Variants in FNDC3B observed in about 807,000 individuals in gnomAD.
The protein encoded by FNDC3B is fibronectin type III domain containing 3B, also known as fibronectin type III domain-containing protein 3B.
In FNDC3B, 12 loss-of-function variants were observed where a neutral mutation model predicts 151.5. The observed-to-expected ratio is 0.08, with a 90% CI of 0.05 to 0.13. The LOEUF is 0.13. Among genes scored for constraint, FNDC3B ranks in the 10% least tolerant of loss-of-function variants. FNDC3B has a pLI of 1.00. For missense variants in FNDC3B, 1,214 were observed against 1,505.3 expected, an observed-to-expected ratio of 0.81 and a Z score of 3.20; for synonymous variants, 528 against 549.0, an observed-to-expected ratio of 0.96 and a Z score of 0.54.
chr3:172,267,276 C>CA (rs1294712606), intron 6 of FNDC3B, among the ~76,000 whole-genome samples: 1 of 152,088 alleles, frequency 6.6e-6, no homozygotes, highest in Non-Finnish European at 1.5e-5. Context: ...CCACCTCAGC[C>CA]TCCCAAGTAG....
At chr3:172,390,171 A>C (rs1735933919) in intron 25 of FNDC3B, among the ~76,000 whole-genome samples, 1 of 152,254 alleles carries the variant, frequency 6.6e-6, no homozygotes, top group Non-Finnish European at 1.5e-5. Flanking sequence ...TGTCTCACTC[A>C]ATATATTTAT....
chr3:172,199,935 G>A (rs1470842192), intron 3 of FNDC3B, among the ~76,000 whole-genome samples: 1 of 152,150 alleles, frequency 6.6e-6, no homozygotes, highest in African/African-American at 2.4e-5. Flanking sequence ...TTCTCTGCGC[G>A]CTTTTGTGTT....
At chr3:172,117,983 T>C (rs1720348154) in intron 2 of FNDC3B, among the ~76,000 whole-genome samples, 1 of 152,232 alleles carries the variant, frequency 6.6e-6, no homozygotes, top group African/African-American at 2.4e-5. Flanking sequence ...GCCTCAATCA[T>C]GTCCAATTCT....
intron 3 of FNDC3B, among the ~76,000 whole-genome samples, chr3:172,177,729 C>A (rs1560003166): frequency 6.9e-6 from 1 of 145,960 alleles, no homozygotes; most frequent in Non-Finnish European, 1.5e-5. Context: ...GATACATGTG[C>A]AGAACGTGCA....
At chr3:172,057,531 T>G (rs1576824153) in intron 1 of FNDC3B, among the ~76,000 whole-genome samples, 2 of 151,808 alleles carry the variant, frequency 1.3e-5, no homozygotes, top group African/African-American at 4.8e-5. Flanking sequence ...GTAAAAGGGG[T>G]TGGGGGGAAG....
chr3:172,143,019 TG>T (rs1220851166), intron 3 of FNDC3B, among the ~76,000 whole-genome samples: 1 of 152,124 alleles, frequency 6.6e-6, no homozygotes, highest in African/African-American at 2.4e-5. Context: ...GTGTCCCTCA[TG>T]ATCCAGTCAC....
intron 16 of FNDC3B, among the ~76,000 whole-genome samples, chr3:172,339,941 C>G (rs2108303494): frequency 6.6e-6 from 1 of 152,298 alleles, no homozygotes; most frequent in South Asian, 2.1e-4. Context: ...TAATAAGCCG[C>G]TGGGGGAATT....
chr3:172,353,031 G>A lies in FNDC3B; in HGVS notation c.2743G>A (p.Gly915Ser), dbSNP rs1277306695. 2 of 1,614,016 alleles carry A rather than the reference G, an allele frequency of 1.2e-6. No individual in the cohort carries two copies. The highest frequency in any genetic ancestry group is 1.7e-6 in the Non-Finnish European group (2 of 1,179,980). The change falls in exon 22 of 26, where the codon GGC (glycine) becomes AGC (serine). Residue 915 changes from glycine (G) to serine (S), a missense_variant. Around this residue, in one of 7 missense-constraint regions of FNDC3B, gnomAD observed 284 missense variants for 392.4 expected, o/e 0.72. Coordinates refer to ENST00000415807, the MANE Select transcript of FNDC3B (RefSeq NM_022763.4). ...TCTAGGAGACACTAGCATTACCGTG[G>A]GCAACACCACCATGCATGTTATGAA... ...IDLGDTSITV[G>S]NTTMHVMKDL...
At chr3:172,126,685 G>T (rs1041704526) in intron 2 of FNDC3B, among the ~76,000 whole-genome samples, 1 of 152,178 alleles carries the variant, frequency 6.6e-6, no homozygotes, top group African/African-American at 2.4e-5. Context: ...TATATAAAAA[G>T]GTGGCCGAAT....
chr3:172,180,437 C>G (rs903008896), intron 3 of FNDC3B, among the ~76,000 whole-genome samples: 1 of 152,076 alleles, frequency 6.6e-6, no homozygotes, highest in Non-Finnish European at 1.5e-5. Context: ...ATGGTTCCCT[C>G]AAGGCAGGGG....
At chr3:172,280,096 G>A (rs146531986) in intron 6 of FNDC3B, among the ~76,000 whole-genome samples, 7 of 152,178 alleles carry the variant, frequency 4.6e-5, no homozygotes, top group African/African-American at 1.4e-4. Context: ...TGTATTTTTC[G>A]TAGAGATGGG....
chr3:172,073,825 G>C (rs542680087), intron 1 of FNDC3B, among the ~76,000 whole-genome samples: 2 of 151,502 alleles, frequency 1.3e-5, no homozygotes, highest in African/African-American at 4.9e-5. Context: ...ATTTTGTAGC[G>C]TAAGTTTACT....
intron 1 of FNDC3B, among the ~76,000 whole-genome samples, chr3:172,082,485 A>T (rs975455092): frequency 6.6e-6 from 1 of 152,220 alleles, no homozygotes; most frequent in Non-Finnish European, 1.5e-5. Flanking sequence ...AAATTCCATT[A>T]TAAGCACATC....
chr3:172,320,667 C>T (rs1732037084), intron 11 of FNDC3B, among the ~76,000 whole-genome samples: 1 of 152,150 alleles, frequency 6.6e-6, no homozygotes, highest in Non-Finnish European at 1.5e-5. Context: ...GTTGTTAGTG[C>T]CAGGGTAATT....
At chr3:172,353,260 C>G (rs995615927) in intron 22 of FNDC3B, among the ~76,000 whole-genome samples, 177 bp downstream of exon 22, 1 of 152,202 alleles carries the variant, frequency 6.6e-6, no homozygotes, top group African/African-American at 2.4e-5. Flanking sequence ...AAAAGCCACA[C>G]TGGTTCAGGG....
intron 18 of FNDC3B, 105 bp downstream of exon 18, chr3:172,343,221 C>T (rs943382723): frequency 6.4e-5 from 44 of 691,336 alleles, no homozygotes; most frequent in African/African-American, 5.1e-4. Flanking sequence ...AGACCATATA[C>T]GTTTTTGTCT....
chr3:172,364,760 T>C (rs530844030), intron 23 of FNDC3B, among the ~76,000 whole-genome samples: 2 of 152,350 alleles, frequency 1.3e-5, no homozygotes, highest in African/African-American at 4.8e-5. Context: ...ATGTTGTTTC[T>C]TCCCCCCTCA....
rs10684671 is a variant in FNDC3B at position 172,177,626 on chromosome 3, C to CTTTTTTTTTTTTTTTTTTTTTTTTTTT, written c.187+44101_187+44102insTTTTTTTTTTTTTTTTTTTTTTTTTTT. Reference sequence around the variant, plus strand: ...AGGAAGGAATCATTTTTACCACCATCTTTTTTTTTTTTTTTTTTTTTGCAC... The same window carrying CTTTTTTTTTTTTTTTTTTTTTTTTTTT: ...AGGAAGGAATCATTTTTACCACCATCTTTTTTTTTTTTTTTTTTTTTTTTTTTTTTTTTTTTTTTTTTTTTTTTGCAC... On this transcript the variant is annotated intron_variant, in intron 3 of 25. Transcript: ENST00000415807. Among the ~76,000 whole-genome samples, 24 of 84,816 alleles carry CTTTTTTTTTTTTTTTTTTTTTTTTTTT rather than the reference C, an allele frequency of 2.8e-4. 3 individuals are homozygous for CTTTTTTTTTTTTTTTTTTTTTTTTTTT. The highest frequency in any genetic ancestry group is 1.1e-3 in the African/African-American group (22 of 20,480). The allele number at this position is 84,816 out of a possible 152,430, so 55.6% of individuals were successfully genotyped here. A position where few individuals can be genotyped will look rare whatever the true frequency, so the allele number is the denominator to read the frequency against.
At chr3:172,269,952 CTG>C (rs1664978695) in intron 6 of FNDC3B, among the ~76,000 whole-genome samples, 1 of 152,186 alleles carries the variant, frequency 6.6e-6, no homozygotes, top group South Asian at 2.1e-4. Flanking sequence ...CGGCCTAAAT[CTG>C]TGCTTTTTTA....
Sources: allele counts gnomAD v4.1 joint callset (sites outside exome capture counted in the v4.1 genomes callset), GRCh38; gene constraint gnomAD v4.1.1; regional missense constraint gnomAD v4.1.1; transcripts MANE v1.5; gene names NCBI Gene and HGNC (gene_info 2026-07-23, HGNC 2026-07-21).